The following ZNF804A variants were observed in gnomAD, a reference collection of about 807,000 sequenced individuals.
The protein encoded by ZNF804A is zinc finger protein 804A.
A neutral mutation model predicts 16.5 loss-of-function variants in ZNF804A; 2 were observed. That is an observed-to-expected ratio of 0.12 (90% CI 0.05 to 0.38). The LOEUF (loss-of-function observed/expected upper bound fraction) is 0.38. ZNF804A is among the 10% of genes least tolerant of loss of function. ZNF804A has a pLI of 0.99. For missense variants in ZNF804A, 1,473 were observed against 1,390.7 expected, an observed-to-expected ratio of 1.06 and a Z score of -0.94; for synonymous variants, 534 against 489.6, an observed-to-expected ratio of 1.09 and a Z score of -1.20.
intron 2 of ZNF804A, among the ~76,000 whole-genome samples, chr2:184,897,384 TC>T (rs892707605): frequency 6.6e-6 from 1 of 150,680 alleles, no homozygotes; most frequent in Non-Finnish European, 1.5e-5. Flanking sequence ...CTGTTTTTTT[TC>T]CCCTTTCCAT....
At chr2:184,780,216 G>A (rs1172033877) in intron 1 of ZNF804A, among the ~76,000 whole-genome samples, 3 of 151,702 alleles carry the variant, frequency 2.0e-5, no homozygotes, top group East Asian at 1.9e-4. Context: ...GTACCAGAGC[G>A]AAAATTTCAG....
chr2:184,724,629 C>T (rs1559135638), intron 1 of ZNF804A, among the ~76,000 whole-genome samples: 1 of 151,662 alleles, frequency 6.6e-6, no homozygotes. Flanking sequence ...TTGGCAAACT[C>T]TTGCTAAACC....
intron 1 of ZNF804A, among the ~76,000 whole-genome samples, chr2:184,803,288 A>C (rs1303283307): frequency 6.6e-6 from 1 of 152,024 alleles, no homozygotes; most frequent in Admixed American, 6.6e-5. Flanking sequence ...GTCTCTTTAA[A>C]TGTCATATTC....
chr2:184,728,813 T>TCA lies in ZNF804A; in HGVS notation c.111+129743_111+129744insCA, dbSNP rs146148260. ...TTTTTCTTCCTTTAAAAGTAAAATGTTATATATACTACATTTTTTATACAC... is the reference window on the plus strand; with the variant it reads ...TTTTTCTTCCTTTAAAAGTAAAATGTCATATATATACTACATTTTTTATACAC... On this transcript the variant is annotated intron_variant, in intron 1 of 3. Transcript: ENST00000302277. 5.7e-3 allele frequency among the ~76,000 whole-genome samples: 862 copies of TCA among 152,008 alleles called. 12 individuals carry two copies. The highest frequency in any genetic ancestry group is 0.02 in the African/African-American group (824 of 41,526).
intron 1 of ZNF804A, among the ~76,000 whole-genome samples, chr2:184,841,966 G>T (rs766472892): frequency 5.3e-4 from 80 of 152,182 alleles, no homozygotes; most frequent in East Asian, 1.9e-4. Flanking sequence ...GTAAAATGGG[G>T]CTAATAATAT....
chr2:184,842,554 ATAG>A (rs1227938248), intron 1 of ZNF804A, among the ~76,000 whole-genome samples: 1 of 151,966 alleles, frequency 6.6e-6, no homozygotes, highest in Non-Finnish European at 1.5e-5. Flanking sequence ...ATTTTAGGAA[ATAG>A]TAGAACTAGT....
intron 1 of ZNF804A, among the ~76,000 whole-genome samples, chr2:184,659,195 T>G (rs974067657): frequency 2.6e-5 from 4 of 152,200 alleles, no homozygotes; most frequent in African/African-American, 9.6e-5. Flanking sequence ...TGACAGTCAC[T>G]GACCAAGTCC....
At chr2:184,872,219 C>T (rs1238858123) in intron 2 of ZNF804A, among the ~76,000 whole-genome samples, 1 of 152,074 alleles carries the variant, frequency 6.6e-6, no homozygotes, top group African/African-American at 2.4e-5. Context: ...CAAAAGCTAT[C>T]TAACTTTCAT....
chr2:184,638,960 TTTAAG>T (rs1279039555), intron 1 of ZNF804A, among the ~76,000 whole-genome samples: 1 of 152,108 alleles, frequency 6.6e-6, no homozygotes, highest in Non-Finnish European at 1.5e-5. Context: ...GTTTATACTA[TTTAAG>T]TTGTTTCTCA....
At chr2:184,802,943 T>G (rs371935825) in intron 1 of ZNF804A, among the ~76,000 whole-genome samples, 9 of 152,182 alleles carry the variant, frequency 5.9e-5, no homozygotes, top group Non-Finnish European at 1.2e-4. Flanking sequence ...CTTAGGAAAG[T>G]GATTTTACTT....
At chr2:184,749,868 ATTACT>A (rs559608238) in intron 1 of ZNF804A, among the ~76,000 whole-genome samples, 12 of 151,258 alleles carry the variant, frequency 7.9e-5, no homozygotes, top group Non-Finnish European at 1.3e-4. Flanking sequence ...TCACTCATTG[ATTACT>A]TTAATACTAA....
At chr2:184,678,474 G>A (rs867297139) in intron 1 of ZNF804A, among the ~76,000 whole-genome samples, 6 of 151,988 alleles carry the variant, frequency 3.9e-5, no homozygotes, top group Middle Eastern at 3.4e-3. Flanking sequence ...AAAAGTCACC[G>A]TAGCAACTTT....
At chr2:184,809,859 G>A (rs781131878) in intron 1 of ZNF804A, among the ~76,000 whole-genome samples, 5 of 151,848 alleles carry the variant, frequency 3.3e-5, no homozygotes, top group Admixed American at 2.0e-4. Context: ...TATAAATATC[G>A]AGGTATAATA....
chr2:184,675,891 A>G lies in ZNF804A; in HGVS notation c.111+76821A>G, dbSNP rs562982448. Among the ~76,000 whole-genome samples the G allele has an allele frequency of 4.6e-5, 7 of 151,880 alleles. No individual in the cohort carries two copies. In the South Asian group the frequency reaches 1.0e-3, roughly 22 times the overall value. The stretch of plus-strand genomic sequence containing the variant: ...TTATCATTGAACTAGATAAGCTTAT[A>G]TACATTTTAATGTATGTACTAACCT... On this transcript the variant is annotated intron_variant, in intron 1 of 3. Transcript: ENST00000302277.
chr2:184,787,780 TATTTTCTCCC>T (rs1694471443), intron 1 of ZNF804A, among the ~76,000 whole-genome samples: 1 of 151,834 alleles, frequency 6.6e-6, no homozygotes, highest in Non-Finnish European at 1.5e-5. Context: ...AATTTGTAAA[TATTTTCTCCC>T]ATTCTGTAGG....
At chr2:184,761,510 A>G (rs1694035985) in intron 1 of ZNF804A, among the ~76,000 whole-genome samples, 1 of 152,120 alleles carries the variant, frequency 6.6e-6, no homozygotes, top group South Asian at 2.1e-4. Flanking sequence ...AATAGCGGGA[A>G]TATAATTTAG....
intron 2 of ZNF804A, among the ~76,000 whole-genome samples, chr2:184,900,585 T>C (rs1048103762): frequency 6.6e-6 from 1 of 152,134 alleles, no homozygotes; most frequent in Non-Finnish European, 1.5e-5. Context: ...GTCCTGGGTG[T>C]ATTAATGTAG....
At position 184,662,490 on chromosome 2, in the gene ZNF804A, G is replaced by A. The variant is rs960041995; in HGVS notation, c.111+63420G>A. On this transcript the variant is annotated intron_variant, in intron 1 of 3. Coordinates refer to ENST00000302277, the MANE Select transcript of ZNF804A (RefSeq NM_194250.2). ...TAGTCTACTTGGCTATTTGAGAAACGTATCATCAACTGGATAATACTTTGA... is the reference window on the plus strand; with the variant it reads ...TAGTCTACTTGGCTATTTGAGAAACATATCATCAACTGGATAATACTTTGA... 7.2e-5 allele frequency among the ~76,000 whole-genome samples: 11 copies of A among 152,112 alleles called. No homozygotes were observed. The East Asian group carries it at 9.6e-4, about 13-fold the overall frequency.
At chr2:184,667,659 G>A (rs964755145) in intron 1 of ZNF804A, among the ~76,000 whole-genome samples, 6 of 151,782 alleles carry the variant, frequency 4.0e-5, no homozygotes, top group African/African-American at 1.4e-4. Context: ...CATCAAAAAT[G>A]TATACGAATT....
Sources: gnomAD v4.1 joint callset for allele counts (sites outside exome capture counted in the v4.1 genomes callset) on GRCh38, gnomAD v4.1.1 for gene constraint, MANE v1.5 for transcripts, NCBI Gene and HGNC (gene_info 2026-07-23, HGNC 2026-07-21) for gene names.